RABEP1: variants seen among roughly 807,000 people sequenced by gnomAD.
RABEP1 encodes rab GTPase-binding effector protein 1.
Under a neutral mutation model 123.4 loss-of-function variants are expected in RABEP1, and 51 were observed. The ratio of observed to expected loss-of-function variants is 0.41; its 90% CI spans 0.33 to 0.52. The LOEUF is 0.52. Ranked by LOEUF, RABEP1 falls within the 20% of genes least tolerant of loss-of-function variation. The pLI, the probability that RABEP1 is intolerant of heterozygous loss-of-function variation, is 0.16. For missense variants in RABEP1, 888 were observed against 996.3 expected (o/e 0.89, Z 1.46); for synonymous variants, 347 against 355.2 (o/e 0.98, Z 0.26).
chr17:5,369,378 C>A (rs753710307), intron 12 of RABEP1, among the ~76,000 whole-genome samples: 68 of 152,276 alleles, frequency 4.5e-4, no homozygotes, highest in Non-Finnish European at 5.1e-4. Flanking sequence ...AGAGGTGGCT[C>A]TGCTGGGGTG....
At chr17:5,303,352 G>A (rs1053099901) in intron 1 of RABEP1, among the ~76,000 whole-genome samples, 1 of 151,962 alleles carries the variant, frequency 6.6e-6, no homozygotes, top group Admixed American at 6.6e-5. Context: ...AGCAAGTCTT[G>A]TGCCTCAGTC....
At chr17:5,349,860 C>T (rs1033046776) in intron 6 of RABEP1, among the ~76,000 whole-genome samples, 2 of 152,052 alleles carry the variant, frequency 1.3e-5, no homozygotes, top group African/African-American at 2.4e-5. Flanking sequence ...TATGGAGGAG[C>T]CTTTGCAAAA....
intron 2 of RABEP1, among the ~76,000 whole-genome samples, chr17:5,329,637 T>A (rs527452977): frequency 6.6e-6 from 1 of 151,862 alleles, no homozygotes; most frequent in East Asian, 1.9e-4. Context: ...TGTTTGAAAA[T>A]CTTAATAATT....
intron 1 of RABEP1, among the ~76,000 whole-genome samples, chr17:5,296,958 C>G (rs751709364): frequency 6.6e-6 from 1 of 151,818 alleles, no homozygotes; most frequent in Non-Finnish European, 1.5e-5. Context: ...AGACTGGTCT[C>G]GAACTCTTGG....
chr17:5,315,117 T>C (rs533870011), intron 2 of RABEP1, among the ~76,000 whole-genome samples: 1 of 152,232 alleles, frequency 6.6e-6, no homozygotes, highest in Non-Finnish European at 1.5e-5. Context: ...GCTGTTACGC[T>C]AACTAATCAG....
intron 16 of RABEP1, 52 bp from the exon 17 acceptor site, chr17:5,381,337 A>C: frequency 6.3e-7 from 1 of 1,586,240 alleles, no homozygotes; most frequent in Non-Finnish European, 8.6e-7. Flanking sequence ...TGGATTTCCT[A>C]AGTAATTCGG....
chr17:5,382,872 A>G (rs1911598947), intron 17 of RABEP1, among the ~76,000 whole-genome samples: 1 of 151,546 alleles, frequency 6.6e-6, no homozygotes, highest in African/African-American at 2.4e-5. Flanking sequence ...GTGAGCCGAG[A>G]TCACACCATT....
At chr17:5,332,345 TTAA>T (rs1346578099) in intron 3 of RABEP1, among the ~76,000 whole-genome samples, 193 bp downstream of exon 3, 13 of 152,320 alleles carry the variant, frequency 8.5e-5, no homozygotes, top group African/African-American at 2.9e-4. Context: ...CGTATCTAAC[TTAA>T]TAATGGAGAG....
intron 1 of RABEP1, among the ~76,000 whole-genome samples, chr17:5,304,793 A>C (rs1306305288): frequency 1.3e-5 from 2 of 152,200 alleles, no homozygotes; most frequent in Non-Finnish European, 2.9e-5. Flanking sequence ...CTATAAAGAT[A>C]CATGGTAATA....
chr17:5,359,471 G>T (rs1006485470), intron 8 of RABEP1, among the ~76,000 whole-genome samples: 3 of 152,118 alleles, frequency 2.0e-5, no homozygotes, highest in African/African-American at 7.2e-5. Context: ...ATAGCAGTGG[G>T]TGTTAGGGTT....
At chr17:5,373,848 C>T (rs1182407534) in intron 13 of RABEP1, among the ~76,000 whole-genome samples, 2 of 152,070 alleles carry the variant, frequency 1.3e-5, no homozygotes, top group Non-Finnish European at 2.9e-5. Context: ...CTGGACTTTC[C>T]TATGAATAGA....
chr17:5,365,041 T>A (rs1909893755), intron 10 of RABEP1, 81 bp from the exon 11 acceptor site: 11 of 807,956 alleles, frequency 1.4e-5, no homozygotes, highest in African/African-American at 1.9e-5. Context: ...GATTTTTTTT[T>A]AAAATTCTGG....
At chr17:5,355,946 T>C (rs1304142546) in intron 8 of RABEP1, among the ~76,000 whole-genome samples, 4 of 152,206 alleles carry the variant, frequency 2.6e-5, no homozygotes, top group African/African-American at 9.6e-5. Context: ...TACATAGTGT[T>C]TTCATCATGC....
intron 2 of RABEP1, among the ~76,000 whole-genome samples, chr17:5,320,105 CAA>C (rs2075338576): frequency 6.6e-6 from 1 of 151,736 alleles, no homozygotes; most frequent in African/African-American, 2.4e-5. Context: ...TGGTCAAGGA[CAA>C]AGAGAGGATC....
At chr17:5,383,061 G>A (rs1236111191) in intron 17 of RABEP1, 61 bp from the exon 18 acceptor site, 1 of 1,415,430 alleles carries the variant, frequency 7.1e-7, no homozygotes, top group African/African-American at 1.4e-5. Flanking sequence ...AGCTAAACCA[G>A]TCAAAGTTCA....
At chr17:5,349,108 C>T (rs1908307106) in intron 6 of RABEP1, among the ~76,000 whole-genome samples, 1 of 152,142 alleles carries the variant, frequency 6.6e-6, no homozygotes, top group Admixed American at 6.6e-5. Context: ...CTTGCCTATT[C>T]TGGACTTTGA....
At chr17:5,300,871 ATTC>A (rs2075130030) in intron 1 of RABEP1, among the ~76,000 whole-genome samples, 1 of 152,118 alleles carries the variant, frequency 6.6e-6, no homozygotes, top group South Asian at 2.1e-4. Context: ...AGGGAGAGAG[ATTC>A]TAGATGATTC....
In RABEP1 at chr17:5,378,161, A is replaced by T. The variant is rs1567555108; in HGVS notation, c.2216-16A>T. 2.6e-6 allele frequency: 4 copies of T among 1,553,554 alleles called. No homozygotes were observed. Among genetic ancestry groups the T allele is most frequent in the East Asian group, 4.5e-5 (2 of 44,582 alleles). On this transcript the variant is annotated splice_polypyrimidine_tract_variant and intron_variant, in intron 14 of 17. Transcript: ENST00000537505. ...TAATAGATGAATGCTAATACATCTC[A>T]TTTTTTTCCTTCTAGCTTCTATTTC...
At chr17:5,319,573 G>T (rs1180069812) in intron 2 of RABEP1, among the ~76,000 whole-genome samples, 1 of 151,900 alleles carries the variant, frequency 6.6e-6, no homozygotes, top group Non-Finnish European at 1.5e-5. Context: ...CACCATGTTG[G>T]CTATGCTGGT....
Sources: allele counts gnomAD v4.1 joint callset (sites outside exome capture counted in the v4.1 genomes callset), GRCh38; gene constraint gnomAD v4.1.1; transcripts MANE v1.5; gene names NCBI Gene and HGNC (gene_info 2026-07-23, HGNC 2026-07-21).